ZNF407: variants seen among roughly 807,000 people sequenced by gnomAD.
The protein encoded by ZNF407 is zinc finger protein 407.
A neutral mutation model predicts 131.2 loss-of-function variants in ZNF407; 17 were observed. The observed-to-expected ratio is 0.13, with a 90% CI of 0.09 to 0.19. The LOEUF is 0.19. Ranked by LOEUF, ZNF407 falls within the 10% of genes least tolerant of loss-of-function variation. ZNF407 has a pLI of 1.00. For missense variants in ZNF407, 2,681 were observed against 2,830.6 expected (o/e 0.95, Z 1.20); for synonymous variants, 1,156 against 1,062.0 (o/e 1.09, Z -1.72).
rs369288364 is a variant in ZNF407, at chr18:75,063,583, T to G, written c.5862T>G (p.Asp1954Glu). The change falls in exon 9 of 9, where the codon GAT becomes GAG. Residue 1954 changes from aspartate (D) to glutamate (E), a missense_variant. Physicochemically the swap from Asp to Glu is conservative, Grantham distance 45. Transcript: ENST00000299687. The surrounding 1 kb of genome is among the most constrained non-coding windows in gnomAD (Gnocchi z 6.6). ...VGGSMEGHGM[D>E]ESLSPGGAVI... ...GCTCCATGGAAGGCCACGGCATGGA[T>G]GAGTCCCTCAGTCCAGGTGGCGCTG... is the stretch of plus-strand genomic sequence containing the variant. 15 of 1,569,288 alleles carry G rather than the reference T, an allele frequency of 9.6e-6. No homozygotes were observed. In the African/African-American group the frequency reaches 1.8e-4, roughly 18 times the overall value.
chr18:74,930,952 T>C (rs1398558006), intron 8 of ZNF407, among the ~76,000 whole-genome samples: 1 of 152,216 alleles, frequency 6.6e-6, no homozygotes, highest in East Asian at 1.9e-4. Context: ...TCTGTGTACC[T>C]CTGCTTCTAG....
At chr18:74,784,420 C>T (rs1054300087) in intron 4 of ZNF407, among the ~76,000 whole-genome samples, 1 of 152,148 alleles carries the variant, frequency 6.6e-6, no homozygotes, top group Non-Finnish European at 1.5e-5. Context: ...AATCCATATA[C>T]TTGTACTATA....
At chr18:74,698,040 A>G (rs1967399791) in intron 3 of ZNF407, among the ~76,000 whole-genome samples, 1 of 152,204 alleles carries the variant, frequency 6.6e-6, no homozygotes, top group Admixed American at 6.5e-5. Flanking sequence ...GATTACATTT[A>G]TTCATTGTAA....
intron 3 of ZNF407, among the ~76,000 whole-genome samples, chr18:74,677,042 T>C (rs1986423199): frequency 6.6e-6 from 1 of 152,164 alleles, no homozygotes. Flanking sequence ...ACTGTTGTTT[T>C]TTCTGGTAAT....
intron 3 of ZNF407, among the ~76,000 whole-genome samples, chr18:74,742,422 A>G (rs977079398): frequency 3.3e-5 from 5 of 152,312 alleles, no homozygotes; most frequent in Admixed American, 2.6e-4. Flanking sequence ...GTTAAGACAC[A>G]TGACGTTGCT....
chr18:74,806,042 A>G (rs1220156669), intron 4 of ZNF407, among the ~76,000 whole-genome samples: 1 of 152,180 alleles, frequency 6.6e-6, no homozygotes, highest in Non-Finnish European at 1.5e-5. Context: ...TAAATGATTT[A>G]TCCTTATACA....
intron 8 of ZNF407, among the ~76,000 whole-genome samples, chr18:75,037,778 C>G (rs2122234910): frequency 6.6e-6 from 1 of 152,290 alleles, no homozygotes; most frequent in African/African-American, 2.4e-5. Flanking sequence ...CATTTCTGTA[C>G]AGAAACTCGG....
intron 1 of ZNF407, among the ~76,000 whole-genome samples, chr18:74,610,823 A>G (rs760634110): frequency 6.6e-6 from 1 of 152,042 alleles, no homozygotes; most frequent in Non-Finnish European, 1.5e-5. Flanking sequence ...CGAAGTGCTG[A>G]TATTACAGGC....
At chr18:74,659,674 A>G (rs963906851) in intron 3 of ZNF407, among the ~76,000 whole-genome samples, 3 of 152,310 alleles carry the variant, frequency 2.0e-5, no homozygotes, top group Admixed American at 6.5e-5. Flanking sequence ...AAAAAGACAC[A>G]GCAGCAAAAC....
chr18:74,976,617 T>C (rs1972531514), intron 8 of ZNF407, among the ~76,000 whole-genome samples: 1 of 152,222 alleles, frequency 6.6e-6, no homozygotes, highest in Non-Finnish European at 1.5e-5. Flanking sequence ...TAACAGCCTT[T>C]GACTACAAGG....
rs1291411620 is a variant in ZNF407 at position 74,635,980 on chromosome 18, G to A, written c.4687+274G>A. Reference sequence around the variant, plus strand: ...CCTCTGATGCCTTTTAAAAACTGCTGTCTGTTGGCGGCTTTTCAGTTGTTT... The same window carrying A: ...CCTCTGATGCCTTTTAAAAACTGCTATCTGTTGGCGGCTTTTCAGTTGTTT... On this transcript the variant is annotated intron_variant, in intron 2 of 8. Coordinates refer to ENST00000299687, the MANE Select transcript of ZNF407 (RefSeq NM_017757.3). This position sits in a 1 kb window ranked among gnomAD's most constrained non-coding sequence, Gnocchi z 4.7. Among the ~76,000 whole-genome samples, 1 of 152,160 alleles carries A rather than the reference G, an allele frequency of 6.6e-6. No individual in the cohort carries two copies. Among genetic ancestry groups the A allele is most frequent in the Admixed American group, 6.5e-5 (1 of 15,282 alleles).
chr18:74,905,450 G>A (rs1379461191), intron 7 of ZNF407: 8 of 152,264 alleles, frequency 5.3e-5, no homozygotes, highest in Admixed American at 2.0e-4. Flanking sequence ...TTGGCTGCTC[G>A]CGCAGAGAGC....
At chr18:74,825,346 A>G (rs535976812) in intron 4 of ZNF407, among the ~76,000 whole-genome samples, 35 of 152,272 alleles carry the variant, frequency 2.3e-4, no homozygotes, top group East Asian at 1.9e-4. Context: ...GGCCATGGCA[A>G]TCAGGCAAGG....
intron 8 of ZNF407, among the ~76,000 whole-genome samples, chr18:75,051,367 C>G (rs554889096): frequency 9.9e-5 from 15 of 152,124 alleles, no homozygotes; most frequent in African/African-American, 3.6e-4. Context: ...TGCTCACTTA[C>G]GGAACCTAAA....
intron 8 of ZNF407, among the ~76,000 whole-genome samples, chr18:74,931,656 T>TA (rs562027500): frequency 3.2e-4 from 48 of 148,474 alleles, no homozygotes; most frequent in South Asian, 6.4e-4. Flanking sequence ...TTTAACTGTC[T>TA]AAAAAAAAAA....
intron 3 of ZNF407, among the ~76,000 whole-genome samples, chr18:74,720,875 G>A (rs1008367523): frequency 6.8e-6 from 1 of 147,860 alleles, no homozygotes; most frequent in African/African-American, 2.5e-5. Context: ...ATGCTGTTTT[G>A]TTAGTACAGA....
At position 74,781,310 on chromosome 18, in the gene ZNF407, C is replaced by T. The variant is rs1446894334; in HGVS notation, c.4803-118C>T. 4 of 690,216 alleles carry T rather than the reference C, an allele frequency of 5.8e-6. No homozygotes were observed. The African/African-American group carries it at 7.6e-5, about 13-fold the overall frequency. 42.8% of individuals were successfully genotyped at this position (690,216 alleles called of 1,614,324 possible). A position where few individuals can be genotyped will look rare whatever the true frequency, so the allele number is the denominator to read the frequency against. Reference sequence around the variant, plus strand: ...AAGCTTTGGTGTAGCAAGAGTGCCACTGTAATACGCTTTTTATGTTATGTT... The same window carrying T: ...AAGCTTTGGTGTAGCAAGAGTGCCATTGTAATACGCTTTTTATGTTATGTT... On this transcript the variant is annotated intron_variant, in intron 3 of 8. Coordinates refer to ENST00000299687, the MANE Select transcript of ZNF407 (RefSeq NM_017757.3).
Position 75,063,359 on chromosome 18 carries a change from C to A in ZNF407, c.5638C>A (p.Pro1880Thr). 6.2e-7 allele frequency: 1 copy of A among 1,612,112 alleles called. No homozygotes were observed. The highest frequency in any genetic ancestry group is 8.5e-7 in the Non-Finnish European group (1 of 1,179,284). Reference sequence around the variant, plus strand: ...CTACGACGGGGAGTTTGCCCTGGACCCCTCGGTGGAGGAGACGGCCGCCGC... The same window carrying A: ...CTACGACGGGGAGTTTGCCCTGGACACCTCGGTGGAGGAGACGGCCGCCGC... Reference protein sequence around the residue: ...QGYDGEFALDPSVEETAAATL... With the variant: ...QGYDGEFALDTSVEETAAATL... The change falls in exon 9 of 9, where the codon CCC becomes ACC. Residue 1880 changes from proline (P) to threonine (T), a missense_variant. Transcript: ENST00000299687. The surrounding 1 kb of genome is among the most constrained non-coding windows in gnomAD (Gnocchi z 6.6).
intron 3 of ZNF407, among the ~76,000 whole-genome samples, chr18:74,717,550 A>C (rs1460021862): frequency 6.6e-6 from 1 of 152,242 alleles, no homozygotes; most frequent in South Asian, 2.1e-4. Flanking sequence ...TTCGATAGCC[A>C]TAGGTAAACA....
Sources: allele counts gnomAD v4.1 joint callset (sites outside exome capture counted in the v4.1 genomes callset), GRCh38; gene constraint gnomAD v4.1.1; non-coding constraint Gnocchi (gnomAD v3.1); transcripts MANE v1.5; gene names NCBI Gene and HGNC (gene_info 2026-07-23, HGNC 2026-07-21).